Variants in SLC24A3 observed in about 807,000 individuals in gnomAD.
SLC24A3 encodes sodium/potassium/calcium exchanger 3.
In SLC24A3, 28 loss-of-function variants were observed where a neutral mutation model predicts 75.8. That is an observed-to-expected ratio of 0.37 (90% CI 0.27 to 0.51). SLC24A3 has a LOEUF of 0.51. Among genes scored for constraint, SLC24A3 ranks in the 20% least tolerant of loss-of-function variants. The pLI, the probability that SLC24A3 is intolerant of heterozygous loss-of-function variation, is 0.94. For missense variants in SLC24A3, 663 were observed against 847.8 expected (o/e 0.78, Z 2.71); for synonymous variants, 372 against 334.1 (o/e 1.11, Z -1.24).
rs573374832 is a variant in SLC24A3, at chr20:19,281,190, G to A, written c.271+103G>A. On this transcript the variant is annotated intron_variant, in intron 2 of 16. Transcript: ENST00000328041. ...TTTTCTTAGAATTTTAATCCAGAAAGCCTCCAAAGATGTTTAGGATGGGAG... is the reference window on the plus strand; with the variant it reads ...TTTTCTTAGAATTTTAATCCAGAAAACCTCCAAAGATGTTTAGGATGGGAG... 118 of 1,521,194 alleles carry A rather than the reference G, an allele frequency of 7.8e-5. No individual in the cohort carries two copies. In the African/African-American group the frequency reaches 1.5e-3, roughly 19 times the overall value. The allele number at this position is 1,521,194 out of a possible 1,614,324, so 94.2% of individuals were successfully genotyped here. A position where few individuals can be genotyped will look rare whatever the true frequency, so the allele number is the denominator to read the frequency against.
chr20:19,442,176 G>A, intron 2 of SLC24A3, among the ~76,000 whole-genome samples: 1 of 152,132 alleles, frequency 6.6e-6, no homozygotes, highest in East Asian at 1.9e-4. Flanking sequence ...TTTATGTGTA[G>A]GCTGTTGTGT....
chr20:19,660,752 A>G (rs2032317914), intron 7 of SLC24A3, among the ~76,000 whole-genome samples: 1 of 152,084 alleles, frequency 6.6e-6, no homozygotes, highest in Non-Finnish European at 1.5e-5. Context: ...TTGTGCCCTC[A>G]TTACATTTCA....
chr20:19,338,375 T>G (rs926255795), intron 2 of SLC24A3, among the ~76,000 whole-genome samples: 7 of 152,126 alleles, frequency 4.6e-5, no homozygotes, highest in Non-Finnish European at 1.0e-4. Context: ...TCTGACATTC[T>G]CACAAGTTCC....
chr20:19,213,087 A>C, intron 1 of SLC24A3, 103 bp downstream of exon 1: 1 of 1,122,364 alleles, frequency 8.9e-7, no homozygotes, highest in African/African-American at 1.7e-5. Context: ...CCGGAGCCCC[A>C]GGATAAGCGG....
chr20:19,427,144 C>A lies in SLC24A3; in HGVS notation c.272-88344C>A, dbSNP rs117839630. Among the ~76,000 whole-genome samples, 701 of 152,152 alleles carry A rather than the reference C, an allele frequency of 4.6e-3. 4 individuals are homozygous for A. Among genetic ancestry groups the A allele is most frequent in the Non-Finnish European group, 7.6e-3 (514 of 68,000 alleles). ...ACACGTGTAGGTGTGTGTGCATGCA[C>A]GCGCAGGAATGAATGCCATCTGAAC... is the stretch of plus-strand genomic sequence containing the variant. On this transcript the variant is annotated intron_variant, in intron 2 of 16. Coordinates refer to ENST00000328041, the MANE Select transcript of SLC24A3 (RefSeq NM_020689.4).
chr20:19,294,386 A>G (rs1984013959), intron 2 of SLC24A3, among the ~76,000 whole-genome samples: 1 of 152,138 alleles, frequency 6.6e-6, no homozygotes, highest in Non-Finnish European at 1.5e-5. Flanking sequence ...CCCATCACCT[A>G]GGTATTAAGC....
In SLC24A3 at chr20:19,673,652, G is replaced by A. The variant is rs767710814; in HGVS notation, c.765G>A (p.Met255Ile). The change falls in exon 9 of 17, where the codon ATG becomes ATA. Residue 255 changes from methionine (M) to isoleucine (I), a missense_variant and splice_region_variant. Physicochemically the swap from Met to Ile is conservative, Grantham distance 10. Around this residue, in one of 2 missense-constraint regions of SLC24A3, gnomAD observed 510 missense variants for 703.6 expected, o/e 0.72. Coordinates refer to ENST00000328041, the MANE Select transcript of SLC24A3 (RefSeq NM_020689.4). ...TGTATCTTATCTACATTGTCATCAT[G>A]AAGTAAGTAAAATTTTTCATTTCTT... The part of the protein sequence containing the change: ...VLMYLIYIVI[M>I]KYNACIHQCF... 8 of 1,613,418 alleles carry A rather than the reference G, an allele frequency of 5.0e-6. No homozygotes were observed. The East Asian group carries it at 1.3e-4, about 27-fold the overall frequency.
chr20:19,629,036 A>G (rs961234399), intron 6 of SLC24A3, among the ~76,000 whole-genome samples: 1 of 152,162 alleles, frequency 6.6e-6, no homozygotes, highest in Non-Finnish European at 1.5e-5. Flanking sequence ...AAATTAATAA[A>G]TCTCCAGTAA....
chr20:19,614,533 C>T (rs1404256253), intron 6 of SLC24A3, among the ~76,000 whole-genome samples: 1 of 152,194 alleles, frequency 6.6e-6, no homozygotes, highest in East Asian at 1.9e-4. Context: ...GCAAAGATCG[C>T]TTTGGATCCC....
intron 1 of SLC24A3, among the ~76,000 whole-genome samples, chr20:19,227,838 A>G (rs1007634924): frequency 1.3e-5 from 2 of 152,182 alleles, no homozygotes; most frequent in African/African-American, 4.8e-5. Context: ...ATTTATTGTT[A>G]TCACTCATTT....
intron 1 of SLC24A3, among the ~76,000 whole-genome samples, chr20:19,256,745 G>A (rs1982827846): frequency 6.7e-6 from 1 of 148,464 alleles, no homozygotes; most frequent in Non-Finnish European, 1.5e-5. Context: ...CTCCAGCCTG[G>A]GTAACAGAGC....
intron 2 of SLC24A3, among the ~76,000 whole-genome samples, chr20:19,496,706 G>GAAGGA (rs1348883816): frequency 1.3e-5 from 2 of 152,114 alleles, no homozygotes; most frequent in Non-Finnish European, 2.9e-5. Flanking sequence ...GTCAAGAAGG[G>GAAGGA]CACGGTGTCA....
chr20:19,545,975 C>T (rs1390852024), intron 3 of SLC24A3, among the ~76,000 whole-genome samples: 7 of 151,530 alleles, frequency 4.6e-5, no homozygotes, highest in African/African-American at 1.2e-4. Context: ...TTGACTAACA[C>T]GTTGAAACCC....
Position 19,521,332 on chromosome 20 carries a change from C to T in SLC24A3, c.348+5768C>T, listed in dbSNP as rs1217074023. On this transcript the variant is annotated intron_variant, in intron 3 of 16. Coordinates refer to ENST00000328041, the MANE Select transcript of SLC24A3 (RefSeq NM_020689.4). ...ATTGGGCCAGCTCATACTTTTCCTG[C>T]CTGGCCATGGGGTGACCATCCCCTA... Among the ~76,000 whole-genome samples, 4 of 152,312 alleles carry T rather than the reference C, an allele frequency of 2.6e-5. No individual in the cohort carries two copies. The South Asian group carries it at 8.3e-4, about 32-fold the overall frequency.
chr20:19,452,258 A>C (rs1441150941), intron 2 of SLC24A3, among the ~76,000 whole-genome samples: 3 of 152,216 alleles, frequency 2.0e-5, no homozygotes, highest in African/African-American at 7.2e-5. Flanking sequence ...GGTTCACATC[A>C]AAATCTACTA....
At chr20:19,694,685 C>T (rs1457854436) in intron 13 of SLC24A3, 1 of 152,218 alleles carries the variant, frequency 6.6e-6, no homozygotes, top group Non-Finnish European at 1.5e-5. Context: ...GCTAACTGAC[C>T]TGACTCATCT....
intron 2 of SLC24A3, among the ~76,000 whole-genome samples, chr20:19,441,573 G>A (rs182025589): frequency 1.1e-4 from 16 of 152,244 alleles, no homozygotes; most frequent in African/African-American, 3.9e-4. Flanking sequence ...AGTATGAAAA[G>A]TCCCCATATC....
At chr20:19,345,682 G>A (rs970654659) in intron 2 of SLC24A3, among the ~76,000 whole-genome samples, 6 of 151,946 alleles carry the variant, frequency 3.9e-5, no homozygotes, top group Non-Finnish European at 8.8e-5. Flanking sequence ...CAAGCATTTG[G>A]AAAAATGCTC....
chr20:19,713,944 A>G (rs1307707631), intron 15 of SLC24A3, among the ~76,000 whole-genome samples: 1 of 152,236 alleles, frequency 6.6e-6, no homozygotes, highest in Admixed American at 6.5e-5. Flanking sequence ...GCCTTAAACC[A>G]GAGGGTTGCA....
Sources: gnomAD v4.1 joint callset for allele counts (sites outside exome capture counted in the v4.1 genomes callset) on GRCh38, gnomAD v4.1.1 for gene constraint, gnomAD v4.1.1 regional missense constraint, MANE v1.5 for transcripts, NCBI Gene and HGNC (gene_info 2026-07-23, HGNC 2026-07-21) for gene names.